The following MAML3 variants were observed in gnomAD, a reference collection of about 807,000 sequenced individuals.
The protein encoded by MAML3 is mastermind like transcriptional coactivator 3.
In MAML3, 27 loss-of-function variants were observed where a neutral mutation model predicts 101.9. That is an observed-to-expected ratio of 0.27 (90% CI 0.20 to 0.37). The LOEUF (loss-of-function observed/expected upper bound fraction) is 0.37, where lower values mean the gene tolerates loss of function less well. Ranked by LOEUF, MAML3 falls within the 10% of genes least tolerant of loss-of-function variation. The pLI, the probability that MAML3 is intolerant of heterozygous loss-of-function variation, is 1.00. For missense variants in MAML3, 1,316 were observed against 1,444.9 expected (o/e 0.91, Z 1.45); for synonymous variants, 501 against 555.9 (o/e 0.90, Z 1.39).
chr4:140,029,464 G>A (rs1726874742), intron 1 of MAML3, among the ~76,000 whole-genome samples: 1 of 151,970 alleles, frequency 6.6e-6, no homozygotes, highest in African/African-American at 2.4e-5. Flanking sequence ...TTATTTGTGT[G>A]GTAACTGAAT....
chr4:139,790,625 G>A (rs1210321399), intron 2 of MAML3, among the ~76,000 whole-genome samples: 1 of 151,918 alleles, frequency 6.6e-6, no homozygotes, highest in Non-Finnish European at 1.5e-5. Context: ...ATCTTATATA[G>A]ATGGAATTGT....
At chr4:139,987,317 T>C (rs1734556407) in intron 1 of MAML3, among the ~76,000 whole-genome samples, 1 of 152,194 alleles carries the variant, frequency 6.6e-6, no homozygotes, top group Admixed American at 6.5e-5. Flanking sequence ...AGAAAATGAC[T>C]GGGCAGAGGC....
At chr4:140,095,123 G>A (rs1728134731) in intron 1 of MAML3, among the ~76,000 whole-genome samples, 1 of 152,230 alleles carries the variant, frequency 6.6e-6, no homozygotes, top group African/African-American at 2.4e-5. Context: ...CCTTCTCAAA[G>A]GACGTCACAG....
At chr4:140,146,691 ATTAAC>A (rs1729070374) in intron 1 of MAML3, among the ~76,000 whole-genome samples, 1 of 152,170 alleles carries the variant, frequency 6.6e-6, no homozygotes, top group African/African-American at 2.4e-5. Flanking sequence ...TCATCTGCAA[ATTAAC>A]TTATTTGGCA....
chr4:140,052,476 G>C (rs1230920688), intron 1 of MAML3, among the ~76,000 whole-genome samples: 1 of 151,978 alleles, frequency 6.6e-6, no homozygotes, highest in Non-Finnish European at 1.5e-5. Context: ...AATCTGTTCA[G>C]TGGGGTATGG....
At chr4:139,864,662 G>A (rs6843056) in intron 2 of MAML3, among the ~76,000 whole-genome samples, 12,725 of 129,570 alleles carry the variant, frequency 0.098, 1,883 homozygotes, top group African/African-American at 0.34. Flanking sequence ...GCGACAGAGC[G>A]AGGCTCCGTC....
At chr4:139,965,718 T>C (rs1005855178) in intron 1 of MAML3, among the ~76,000 whole-genome samples, 1 of 152,240 alleles carries the variant, frequency 6.6e-6, no homozygotes, top group African/African-American at 2.4e-5. Context: ...TTTTTATATT[T>C]TTAGTCACAA....
chr4:139,977,975 T>C (rs997367584), intron 1 of MAML3, among the ~76,000 whole-genome samples: 2 of 152,010 alleles, frequency 1.3e-5, no homozygotes, highest in African/African-American at 4.8e-5. Context: ...ACAGAATCAG[T>C]GAACACCAAA....
At chr4:139,944,806 C>T (rs1313865664) in intron 1 of MAML3, among the ~76,000 whole-genome samples, 1 of 145,572 alleles carries the variant, frequency 6.9e-6, no homozygotes, top group Non-Finnish European at 1.5e-5. Flanking sequence ...ACAACAGGTG[C>T]TGGAGAGGAT....
chr4:140,059,068 A>G (rs999241435), intron 1 of MAML3, among the ~76,000 whole-genome samples: 1 of 152,176 alleles, frequency 6.6e-6, no homozygotes, highest in Non-Finnish European at 1.5e-5. Context: ...ATTTAAATGC[A>G]GAGCAGAATC....
intron 1 of MAML3, among the ~76,000 whole-genome samples, chr4:139,928,775 G>A (rs1335416260): frequency 6.6e-6 from 1 of 152,172 alleles, no homozygotes; most frequent in Non-Finnish European, 1.5e-5. Flanking sequence ...CTTGTCTGGT[G>A]GGCCGTTGAG....
chr4:140,026,252 T>C (rs1198991494), intron 1 of MAML3, among the ~76,000 whole-genome samples: 1 of 152,126 alleles, frequency 6.6e-6, no homozygotes, highest in African/African-American at 2.4e-5. Flanking sequence ...ATTTTTATTT[T>C]ACTTACTTAT....
chr4:140,066,408 C>T (rs771834251), intron 1 of MAML3, among the ~76,000 whole-genome samples: 1 of 152,154 alleles, frequency 6.6e-6, no homozygotes, highest in African/African-American at 2.4e-5. Context: ...CCCTGGATAA[C>T]GTTGGCATCG....
intron 1 of MAML3, among the ~76,000 whole-genome samples, chr4:140,052,060 A>G (rs1727277716): frequency 6.6e-6 from 1 of 152,104 alleles, no homozygotes; most frequent in Non-Finnish European, 1.5e-5. Context: ...TTGTGACCTC[A>G]TTTATCAGTT....
chr4:140,092,103 CG>C (rs1728067794), intron 1 of MAML3, among the ~76,000 whole-genome samples: 1 of 79,370 alleles, frequency 1.3e-5, no homozygotes, highest in Admixed American at 1.2e-4. Context: ...TATATATATA[CG>C]TATATATATA....
At chr4:139,784,413 G>A (rs1029408411) in intron 2 of MAML3, among the ~76,000 whole-genome samples, 4 of 152,178 alleles carry the variant, frequency 2.6e-5, no homozygotes, top group African/African-American at 9.7e-5. Flanking sequence ...TGTTGGTTTA[G>A]GTGGCTTCCA....
chr4:139,827,123 G>A (rs1731074720), intron 2 of MAML3, among the ~76,000 whole-genome samples: 1 of 152,132 alleles, frequency 6.6e-6, no homozygotes, highest in Admixed American at 6.5e-5. Flanking sequence ...CTGGCACAGT[G>A]ACCTCTGGCA....
chr4:140,053,082 G>A (rs1416843289), intron 1 of MAML3, among the ~76,000 whole-genome samples: 1 of 152,112 alleles, frequency 6.6e-6, no homozygotes, highest in Admixed American at 6.5e-5. Flanking sequence ...ACCTAAAAGT[G>A]TATTAAGTCA....
intron 2 of MAML3, among the ~76,000 whole-genome samples, chr4:139,734,183 C>T (rs1468505016): frequency 6.6e-6 from 1 of 152,196 alleles, no homozygotes; most frequent in Non-Finnish European, 1.5e-5. Flanking sequence ...TAATACATGG[C>T]TTCTTTTAAC....
Sources: gnomAD v4.1 joint callset for allele counts (sites outside exome capture counted in the v4.1 genomes callset) on GRCh38, gnomAD v4.1.1 for gene constraint, MANE v1.5 for transcripts, NCBI Gene and HGNC (gene_info 2026-07-23, HGNC 2026-07-21) for gene names.